Variants in WIPI1 observed in about 807,000 individuals in gnomAD.
WIPI1 encodes the protein WD repeat domain, phosphoinositide interacting 1.
In WIPI1, 45 loss-of-function variants were observed where a neutral mutation model predicts 55.3. The observed-to-expected ratio is 0.81, with a 90% CI of 0.64 to 1.04. The LOEUF (loss-of-function observed/expected upper bound fraction) is 1.04. WIPI1 is among the 50% of genes least tolerant of loss of function. WIPI1 has a pLI of 0.00. For synonymous variants in WIPI1, 195 were observed against 217.6 expected, an observed-to-expected ratio of 0.90 and a Z score of 0.92; for missense variants, 445 against 559.0, an observed-to-expected ratio of 0.80 and a Z score of 2.06.
chr17:68,450,877 T>G lies in WIPI1; in HGVS notation c.184A>C (p.Ile62Leu), dbSNP rs1042373037. 1.2e-6 allele frequency: 2 copies of G among 1,613,134 alleles called. No individual in the cohort carries two copies. Among genetic ancestry groups the G allele is most frequent in the Non-Finnish European group, 1.7e-6 (2 of 1,179,674 alleles). The part of the protein sequence containing the change: ...HGSNEIPDVY[I>L]VERLFSSSLV... Reference sequence around the variant, plus strand: ...CTGCTGGAGAAGAGGCGCTCCACGATGTAGACGTCCGGGATTTCATCTGGG... The same window carrying G: ...CTGCTGGAGAAGAGGCGCTCCACGAGGTAGACGTCCGGGATTTCATCTGGG... Residue 62 changes from isoleucine to leucine, a missense_variant, in exon 3 of 13, where the codon ATC (isoleucine) becomes CTC (leucine). Coordinates refer to ENST00000262139, the MANE Select transcript of WIPI1 (RefSeq NM_017983.7).
intron 3 of WIPI1, among the ~76,000 whole-genome samples, chr17:68,447,394 T>C (rs1164814270): frequency 6.6e-6 from 1 of 152,178 alleles, no homozygotes; most frequent in African/African-American, 2.4e-5. Context: ...ATTTTTATTT[T>C]TTATAGAGAC....
At chr17:68,445,878 A>G (rs1274379778) in intron 3 of WIPI1, among the ~76,000 whole-genome samples, 2 of 152,174 alleles carry the variant, frequency 1.3e-5, no homozygotes, top group Non-Finnish European at 2.9e-5. Flanking sequence ...CTGGATGCCC[A>G]AGGAGCTGCC....
chr17:68,437,212 A>C (rs1788978902), intron 4 of WIPI1, among the ~76,000 whole-genome samples: 1 of 152,160 alleles, frequency 6.6e-6, no homozygotes, highest in Non-Finnish European at 1.5e-5. Flanking sequence ...ACTGTTGGCC[A>C]GTAACTTCAA....
chr17:68,429,106 G>T (rs1164209733), intron 9 of WIPI1, among the ~76,000 whole-genome samples, 170 bp from the exon 10 acceptor site: 3 of 152,168 alleles, frequency 2.0e-5, no homozygotes, highest in Admixed American at 1.3e-4. Flanking sequence ...TTCTGGCCTT[G>T]GGATCTACTT....
chr17:68,453,124 G>A, intron 1 of WIPI1, 132 bp from the exon 2 acceptor site: 1 of 630,370 alleles, frequency 1.6e-6, no homozygotes. Context: ...TAGATCCTTG[G>A]TAACTTCCTA....
intron 10 of WIPI1, 67 bp from the exon 11 acceptor site, chr17:68,427,320 A>G (rs2083262277): frequency 1.6e-6 from 2 of 1,221,986 alleles, no homozygotes; most frequent in African/African-American, 1.5e-5. Flanking sequence ...ACACCTTCCA[A>G]AGGAAAAGCA....
chr17:68,431,193 T>G lies in WIPI1; in HGVS notation c.801-1033A>C, dbSNP rs2083494077. On this transcript the variant is annotated intron_variant, in intron 8 of 12. Transcript: ENST00000262139. ...AGAAAAACCACGTGAGCAGTTAATATGCGGTGCTGCACAGATGGTCCAGGC... is the reference window on the plus strand; with the variant it reads ...AGAAAAACCACGTGAGCAGTTAATAGGCGGTGCTGCACAGATGGTCCAGGC... Among the ~76,000 whole-genome samples, 3 of 152,150 alleles carry G rather than the reference T, an allele frequency of 2.0e-5. No individual in the cohort carries two copies. In the South Asian group the frequency reaches 6.2e-4, roughly 32 times the overall value.
chr17:68,456,831 G>C (rs1302402673), intron 1 of WIPI1, among the ~76,000 whole-genome samples: 2 of 152,200 alleles, frequency 1.3e-5, no homozygotes, highest in East Asian at 3.8e-4. Flanking sequence ...CGCAGGGATA[G>C]GCTGCCTCTT....
chr17:68,453,239 A>G (rs1397227326), intron 1 of WIPI1, among the ~76,000 whole-genome samples: 1 of 152,190 alleles, frequency 6.6e-6, no homozygotes, highest in East Asian at 1.9e-4. Flanking sequence ...ATGAAACTGC[A>G]TGAGCTCTGT....
intron 4 of WIPI1, among the ~76,000 whole-genome samples, chr17:68,441,740 G>A (rs2084086356): frequency 2.0e-5 from 3 of 152,178 alleles, no homozygotes; most frequent in African/African-American, 7.2e-5. Flanking sequence ...AACGCTCTCC[G>A]TGGCAACTCT....
intron 3 of WIPI1, among the ~76,000 whole-genome samples, chr17:68,445,249 C>G: frequency 6.6e-6 from 1 of 152,146 alleles, no homozygotes; most frequent in African/African-American, 2.4e-5. Flanking sequence ...GATCAGACCC[C>G]CTGTGCCATG....
chr17:68,434,795 G>A (rs2083702731), intron 6 of WIPI1, among the ~76,000 whole-genome samples, 169 bp from the exon 7 acceptor site: 1 of 152,156 alleles, frequency 6.6e-6, no homozygotes, highest in South Asian at 2.1e-4. Context: ...AACAATTCTT[G>A]GAAAATGTTA....
intron 8 of WIPI1, among the ~76,000 whole-genome samples, chr17:68,431,948 C>T (rs1004127468): frequency 6.6e-6 from 1 of 152,172 alleles, no homozygotes; most frequent in African/African-American, 2.4e-5. Context: ...TGAACGGCAT[C>T]TTAACAGCTC....
Position 68,421,809 on chromosome 17 carries a change from G to C in WIPI1, c.1305C>G (p.Cys435Trp), listed in dbSNP as rs146678987. The C allele has an allele frequency of 3.6e-5, 58 of 1,613,982 alleles. No homozygotes were observed. Among genetic ancestry groups the C allele is most frequent in the Non-Finnish European group, 4.7e-5 (56 of 1,180,030 alleles). ...TCGTTTTGCCCTTCTGATTTCCACG[G>C]CACAAGATTATCTACCAAAATCAAA... ...DENEFPPIIL[C>W]RGNQKGKTKQ... is the part of the protein sequence containing the mutation. Residue 435 changes from cysteine (C) to tryptophan (W), a missense_variant, in exon 13 of 13, where the codon TGC (cysteine) becomes TGG (tryptophan). Cys to Trp is a radical substitution (Grantham distance 215). Coordinates refer to ENST00000262139, the MANE Select transcript of WIPI1 (RefSeq NM_017983.7).
At chr17:68,436,860 G>A (rs1463538218) in intron 4 of WIPI1, among the ~76,000 whole-genome samples, 4 of 152,110 alleles carry the variant, frequency 2.6e-5, no homozygotes, top group Non-Finnish European at 5.9e-5. Context: ...TGGGCATGGT[G>A]GTGCGTGCCT....
rs1013366374 is a variant in WIPI1, at chr17:68,431,809, T to C, written c.801-1649A>G. Among the ~76,000 whole-genome samples, 11 of 10,534 alleles carry C rather than the reference T, an allele frequency of 1.0e-3. No homozygotes were observed. The Admixed American group carries it at 0.011, about 11-fold the overall frequency. 6.9% of individuals were successfully genotyped at this position (10,534 alleles called of 152,430 possible). On this transcript the variant is annotated intron_variant, in intron 8 of 12. Transcript: ENST00000262139. ...ACCCAGAACAGCTTGGAGGTTCTGC[T>C]CCTGGTCACCTGTGCTCACAGACAG...
chr17:68,451,896 T>C (rs2084514498), intron 2 of WIPI1, among the ~76,000 whole-genome samples: 1 of 152,226 alleles, frequency 6.6e-6, no homozygotes, highest in Non-Finnish European at 1.5e-5. Context: ...TTCATATGTG[T>C]GCCTTTCTTC....
rs1285545698 is a variant in WIPI1 at position 68,428,828 on chromosome 17, C to G, written c.1073+1G>C. ...TGTCTTTTGAAAAGCAGTCTCTTCA[C>G]CTGTGGGTTTTGATTAAGACACACT... On this transcript the variant is annotated splice_donor_variant, in intron 10 of 12. Transcript: ENST00000262139. LOFTEE classifies it high-confidence loss of function. 1.2e-6 allele frequency: 2 copies of G among 1,611,024 alleles called. No individual in the cohort carries two copies. Among genetic ancestry groups the G allele is most frequent in the African/African-American group, 2.7e-5 (2 of 74,836 alleles).
Position 68,421,779 on chromosome 17 carries a change from C to T in WIPI1, c.1335G>A (p.Gln445=). Residue 445 remains glutamine, a synonymous_variant, in exon 13 of 13, where the codon CAG becomes CAA. Coordinates refer to ENST00000262139, the MANE Select transcript of WIPI1 (RefSeq NM_017983.7). The stretch of plus-strand genomic sequence containing the variant: ...TTCTGAGGTGTGCTTCTCATCATGA[C>T]TGCTTCGTTTTGCCCTTCTGATTTC... The part of the protein sequence containing the change: ...CRGNQKGKTK[Q]S The T allele has an allele frequency of 6.2e-7, 1 of 1,614,202 alleles. No homozygotes were observed. The highest frequency in any genetic ancestry group is 8.5e-7 in the Non-Finnish European group (1 of 1,180,040).
Sources: allele counts gnomAD v4.1 joint callset (sites outside exome capture counted in the v4.1 genomes callset), GRCh38; gene constraint gnomAD v4.1.1; transcripts MANE v1.5; gene names NCBI Gene and HGNC (gene_info 2026-07-23, HGNC 2026-07-21).